Variants in DIP2A observed in about 807,000 individuals in gnomAD.
DIP2A encodes DIP2 acetate--CoA ligase A, also known as disco-interacting protein 2 homolog A.
Under a neutral mutation model 177.4 loss-of-function variants are expected in DIP2A, and 85 were observed. The observed-to-expected ratio is 0.48, with a 90% CI of 0.40 to 0.57. The LOEUF is 0.57. Ranked by LOEUF, DIP2A falls within the 20% of genes least tolerant of loss-of-function variation. The pLI is 0.00. For missense variants in DIP2A, 1,791 were observed against 2,100.2 expected, an observed-to-expected ratio of 0.85 and a Z score of 2.88; for synonymous variants, 886 against 881.8, an observed-to-expected ratio of 1.00 and a Z score of -0.08.
intron 2 of DIP2A, among the ~76,000 whole-genome samples, chr21:46,485,524 C>G (rs889832582): frequency 6.6e-6 from 1 of 152,070 alleles, no homozygotes; most frequent in African/African-American, 2.4e-5. Flanking sequence ...AGACAAAAAT[C>G]GGTTCCAGAT....
intron 21 of DIP2A, among the ~76,000 whole-genome samples, chr21:46,548,094 G>A (rs2060128401): frequency 6.6e-6 from 1 of 152,144 alleles, no homozygotes; most frequent in South Asian, 2.1e-4. Context: ...GGTTAGTCTT[G>A]AGGAAAAAGC....
At chr21:46,540,556 T>G (rs2059771641) in intron 17 of DIP2A, among the ~76,000 whole-genome samples, 1 of 152,180 alleles carries the variant, frequency 6.6e-6, no homozygotes, top group Non-Finnish European at 1.5e-5. Flanking sequence ...GAGGTTTCCT[T>G]TCCCCTCTTC....
intron 21 of DIP2A, among the ~76,000 whole-genome samples, chr21:46,548,751 GGT>G (rs138836529): frequency 0.19 from 28,240 of 151,996 alleles, 3,098 homozygotes; most frequent in African/African-American, 0.3. Flanking sequence ...GTTTAGTGGT[GGT>G]TAGGGATTGT....
chr21:46,575,190 C>A, the DIP2A span, among the ~76,000 whole-genome samples: 1 of 152,042 alleles, frequency 6.6e-6, no homozygotes, highest in Non-Finnish European at 1.5e-5. Context: ...GTGATCGTCT[C>A]GATTGATGCA....
intron 1 of DIP2A, among the ~76,000 whole-genome samples, chr21:46,471,943 C>T (rs919601833): frequency 6.6e-6 from 1 of 152,216 alleles, no homozygotes; most frequent in African/African-American, 2.4e-5. Context: ...AGAGCTTTTA[C>T]ACTCTTTCAG....
In DIP2A at chr21:46,563,563, G is replaced by T; in HGVS notation, c.4090-295G>T. ...CCCTGGATGGATGCCCATCAGGTGC[G>T]CTGGCATCACCTGGCTGATTGTCTT... On this transcript the variant is annotated intron_variant, in intron 34 of 37. Transcript: ENST00000417564. The surrounding 1 kb of genome is among the most constrained non-coding windows in gnomAD (Gnocchi z 4.3). 1 of 370,184 alleles carries T rather than the reference G, an allele frequency of 2.7e-6. No homozygotes were observed. 22.9% of individuals were successfully genotyped at this position (370,184 alleles called of 1,614,324 possible).
At position 46,533,943 on chromosome 21, in the gene DIP2A, G is replaced by A. The variant is rs1262616836; in HGVS notation, c.1430-61G>A. 15 of 1,416,656 alleles carry A rather than the reference G, an allele frequency of 1.1e-5. No homozygotes were observed. In the East Asian group the frequency reaches 2.9e-4, roughly 27 times the overall value. 87.8% of individuals were successfully genotyped at this position (1,416,656 alleles called of 1,614,324 possible). A position where few individuals can be genotyped will look rare whatever the true frequency, so the allele number is the denominator to read the frequency against. On this transcript the variant is annotated intron_variant, in intron 11 of 37. Transcript: ENST00000417564. ...GCTGCATGTTGGAGGCGCAGGCTTC[G>A]AGTGTGGGGAGCAGATGCCTCTGAC...
At chr21:46,554,786 G>GGGGGGGGGGGGGGCC in intron 27 of DIP2A, 36 bp from the exon 28 acceptor site, 22 of 1,518,516 alleles carry the variant, frequency 1.4e-5, no homozygotes, top group African/African-American at 2.8e-5. Flanking sequence ...AGCTTGAGAG[G>GGGGGGGGGGGGGGCC]CCCCGCCCAC....
In DIP2A at chr21:46,557,673, A is replaced by G. The variant is rs1375518098; in HGVS notation, c.3718A>G (p.Lys1240Glu). The change falls in exon 31 of 38, where the codon AAG becomes GAG. Residue 1240 changes from lysine to glutamate, a missense_variant. By Grantham distance (56) the Lys-to-Glu change is moderately conservative. Coordinates refer to ENST00000417564, the MANE Select transcript of DIP2A (RefSeq NM_015151.4). The surrounding 1 kb of genome is among the most constrained non-coding windows in gnomAD (Gnocchi z 6.0). ...SLWLSAVSQY[K>E]ARVTFCSYSV... The stretch of plus-strand genomic sequence containing the variant: ...GTGGCTGTCGGCCGTCAGCCAGTAC[A>G]AGGCCCGCGTCACCTTCTGCTCCTA... 10 of 1,613,544 alleles carry G rather than the reference A, an allele frequency of 6.2e-6. No homozygotes were observed.
At chr21:46,582,015 C>T in the DIP2A span, among the ~76,000 whole-genome samples, 1 of 152,162 alleles carries the variant, frequency 6.6e-6, no homozygotes, top group Non-Finnish European at 1.5e-5. Flanking sequence ...TCCAAACTGC[C>T]CAGCCTCTTC....
chr21:46,512,437 T>A (rs9981276), intron 8 of DIP2A, among the ~76,000 whole-genome samples: 35,890 of 152,106 alleles, frequency 0.24, 5,513 homozygotes, highest in African/African-American at 0.43. Context: ...GTTCCAGTTA[T>A]CTCTTTTCTC....
At chr21:46,561,107 C>T (rs1475387492) in intron 33 of DIP2A, 6 of 791,550 alleles carry the variant, frequency 7.6e-6, no homozygotes, top group Middle Eastern at 6.4e-4. Flanking sequence ...TAAGAGTGGC[C>T]CCTGTGACAT....
intron 5 of DIP2A, among the ~76,000 whole-genome samples, chr21:46,503,852 A>G (rs1355194710): frequency 6.6e-6 from 1 of 151,996 alleles, no homozygotes; most frequent in Admixed American, 6.6e-5. Context: ...CAGCCTCCCC[A>G]GTAGCTGGGA....
chr21:46,470,482 A>AG (rs1485048068), intron 1 of DIP2A, among the ~76,000 whole-genome samples: 2 of 150,138 alleles, frequency 1.3e-5, no homozygotes, highest in East Asian at 4.0e-4. Context: ...CTCAAAAAAA[A>AG]AAAGGGGGGG....
At chr21:46,476,876 C>G (rs1051449860) in intron 1 of DIP2A, among the ~76,000 whole-genome samples, 1 of 152,100 alleles carries the variant, frequency 6.6e-6, no homozygotes, top group African/African-American at 2.4e-5. Flanking sequence ...ACCATGGTCT[C>G]AAACTCCTGA....
chr21:46,541,195 T>C (rs1166659491), intron 17 of DIP2A, among the ~76,000 whole-genome samples: 8 of 152,226 alleles, frequency 5.3e-5, no homozygotes, highest in African/African-American at 1.9e-4. Flanking sequence ...CCAGTTACTA[T>C]TGTTGTATCA....
rs892750277 is a variant in DIP2A at position 46,568,837 on chromosome 21, T to C, written c.*1215T>C. 2 of 152,152 alleles carry C rather than the reference T, an allele frequency of 1.3e-5. No homozygotes were observed. Among genetic ancestry groups the C allele is most frequent in the African/African-American group, 4.8e-5 (2 of 41,420 alleles). The allele number at this position is 152,152 out of a possible 1,614,324, so 9.4% of individuals were successfully genotyped here. A position where few individuals can be genotyped will look rare whatever the true frequency, so the allele number is the denominator to read the frequency against. On this transcript the variant is annotated 3_prime_UTR_variant, in exon 38 of 38. Transcript: ENST00000417564. Reference sequence around the variant, plus strand: ...TGTTTGGTGAGTACCGGCAGTACAGTTGAGGGGAGCAGGGAACAGCATTGC... The same window carrying C: ...TGTTTGGTGAGTACCGGCAGTACAGCTGAGGGGAGCAGGGAACAGCATTGC...
intron 25 of DIP2A, 125 bp downstream of exon 25, chr21:46,552,029 C>A: frequency 8.8e-7 from 1 of 1,133,960 alleles, no homozygotes; most frequent in Non-Finnish European, 1.3e-6. Context: ...TGCCTGTGGA[C>A]TCAGCCCCCG....
intron 6 of DIP2A, among the ~76,000 whole-genome samples, chr21:46,506,574 A>G (rs149384718): frequency 2.0e-5 from 3 of 152,248 alleles, no homozygotes; most frequent in East Asian, 1.9e-4. Context: ...AGGCATGTAG[A>G]GATATCTCAT....
Sources: gnomAD v4.1 joint callset for allele counts (sites outside exome capture counted in the v4.1 genomes callset) on GRCh38, gnomAD v4.1.1 for gene constraint, Gnocchi (gnomAD v3.1) non-coding constraint, MANE v1.5 for transcripts, NCBI Gene and HGNC (gene_info 2026-07-23, HGNC 2026-07-21) for gene names.